TRAP1: variants seen among roughly 807,000 people sequenced by gnomAD.
The protein encoded by TRAP1 is TNF receptor associated protein 1.
TRAP1 carries 102 observed loss-of-function variants against 89.1 expected under a neutral mutation model. That is an observed-to-expected ratio of 1.15 (90% CI 0.98 to 1.35). The LOEUF is 1.35. Ranked by LOEUF, TRAP1 falls within the 40% of genes most tolerant of loss-of-function variation. The probability of loss-of-function intolerance (pLI) is 0.00; values close to 1 mark genes in which losing one functional copy is unlikely to be tolerated. For missense variants in TRAP1, 1,256 were observed against 945.3 expected (o/e 1.33, Z -4.31); for synonymous variants, 508 against 388.0 (o/e 1.31, Z -3.64).
chr16:3,693,674 C>T (rs2051247136), intron 1 of TRAP1, among the ~76,000 whole-genome samples: 1 of 152,154 alleles, frequency 6.6e-6, no homozygotes, highest in African/African-American at 2.4e-5. Context: ...AACACAGCAC[C>T]ACAAACTAGG....
Position 3,717,500 on chromosome 16 carries a change from G to A in TRAP1, c.9C>T (p.Arg3=), listed in dbSNP as rs1437240632. Residue 3 remains arginine, a synonymous_variant, in exon 1 of 18, where the codon CGC becomes CGT. Coordinates refer to ENST00000246957, the MANE Select transcript of TRAP1 (RefSeq NM_016292.3). ...CCCACAGCAGCAGCGCCCGCAGCTC[G>A]CGCGCCATGTCGTACTCCCAGAGCG... MA[R]ELRALLLWGR... The A allele has an allele frequency of 8.2e-6, 11 of 1,349,324 alleles. No individual in the cohort carries two copies. The African/African-American group carries it at 1.1e-4, about 13-fold the overall frequency. 83.6% of individuals were successfully genotyped at this position (1,349,324 alleles called of 1,614,324 possible).
At chr16:3,659,446 C>T (rs1456989719) in intron 16 of TRAP1, 1 of 152,150 alleles carries the variant, frequency 6.6e-6, no homozygotes, top group African/African-American at 2.4e-5. Flanking sequence ...AATGTTTCAT[C>T]ATCTCAGAAG....
intron 1 of TRAP1, among the ~76,000 whole-genome samples, chr16:3,715,402 C>T (rs970698513): frequency 2.0e-5 from 3 of 151,868 alleles, no homozygotes; most frequent in Admixed American, 6.6e-5. Flanking sequence ...CGCGCCACTG[C>T]ACTCCAGCCT....
chr16:3,717,515 C>T lies in TRAP1; in HGVS notation c.-7G>A, dbSNP rs770113232. ...CCCGCAGCTCGCGCGCCATGTCGTA[C>T]TCCCAGAGCGCCGCGCGCAGCCACG... On this transcript the variant is annotated 5_prime_UTR_variant, in exon 1 of 18. Coordinates refer to ENST00000246957, the MANE Select transcript of TRAP1 (RefSeq NM_016292.3). 9 of 1,357,190 alleles carry T rather than the reference C, an allele frequency of 6.6e-6. No homozygotes were observed. The highest frequency in any genetic ancestry group is 3.3e-5 in the East Asian group (1 of 30,248). The allele number at this position is 1,357,190 out of a possible 1,614,324, so 84.1% of individuals were successfully genotyped here.
chr16:3,691,533 C>T (rs1041994508), intron 1 of TRAP1, among the ~76,000 whole-genome samples: 9 of 152,170 alleles, frequency 5.9e-5, no homozygotes, highest in Non-Finnish European at 8.8e-5. Flanking sequence ...CAGATGCCTG[C>T]TGACAGCACT....
Position 3,667,626 on chromosome 16 carries a change from AAAATAAAT to A in TRAP1, c.1236-1516_1236-1509del, listed in dbSNP as rs772073639. ...AGCAACAGAGTAAGACTCCATCTCAAAAATAAATAAATAAATAAATAAATAAAAATAAA... is the reference window on the plus strand; with the variant it reads ...AGCAACAGAGTAAGACTCCATCTCAAAAATAAATAAATAAATAAAAATAAA... On this transcript the variant is annotated intron_variant, in intron 11 of 17. Transcript: ENST00000246957. Among the ~76,000 whole-genome samples the A allele has an allele frequency of 3.6e-3, 552 of 151,514 alleles. 3 individuals are homozygous for A. Among genetic ancestry groups the A allele is most frequent in the African/African-American group, 0.013 (519 of 41,358 alleles).
intron 4 of TRAP1, among the ~76,000 whole-genome samples, chr16:3,683,368 A>C (rs927179367): frequency 6.6e-6 from 1 of 152,028 alleles, no homozygotes; most frequent in African/African-American, 2.4e-5. Flanking sequence ...AACTGTAACC[A>C]ATGTAATATA....
chr16:3,684,025 G>T (rs1298906950), intron 4 of TRAP1, among the ~76,000 whole-genome samples: 1 of 151,960 alleles, frequency 6.6e-6, no homozygotes, highest in Admixed American at 6.6e-5. Flanking sequence ...AATTAGCCGG[G>T]TGTGGTGGCA....
At chr16:3,709,552 C>T (rs943357321) in intron 1 of TRAP1, among the ~76,000 whole-genome samples, 1 of 152,194 alleles carries the variant, frequency 6.6e-6, no homozygotes, top group African/African-American at 2.4e-5. Context: ...AATACCAGAG[C>T]TCTGTGGCGA....
At chr16:3,703,865 AT>A (rs910322285) in intron 1 of TRAP1, among the ~76,000 whole-genome samples, 1 of 151,584 alleles carries the variant, frequency 6.6e-6, no homozygotes, top group Non-Finnish European at 1.5e-5. Context: ...AATACAAAAA[AT>A]TAGCCGGGCG....
chr16:3,716,702 C>T (rs1001766512), intron 1 of TRAP1, among the ~76,000 whole-genome samples: 1 of 152,196 alleles, frequency 6.6e-6, no homozygotes, highest in African/African-American at 2.4e-5. Flanking sequence ...GAAGCAATGC[C>T]GAAACTTTCA....
At chr16:3,675,170 C>A (rs1008044329) in intron 8 of TRAP1, among the ~76,000 whole-genome samples, 154 bp downstream of exon 8, 4 of 152,104 alleles carry the variant, frequency 2.6e-5, no homozygotes, top group Non-Finnish European at 5.9e-5. Flanking sequence ...GAGCTGGGCC[C>A]CTGTCTCATC....
chr16:3,685,258 C>T (rs1292886521), intron 4 of TRAP1, among the ~76,000 whole-genome samples: 4 of 152,216 alleles, frequency 2.6e-5, no homozygotes, highest in Non-Finnish European at 5.9e-5. Context: ...GCACGTACCA[C>T]GGGGCTCAGT....
intron 9 of TRAP1, among the ~76,000 whole-genome samples, chr16:3,673,359 C>T (rs1238321282): frequency 1.3e-5 from 2 of 152,196 alleles, no homozygotes; most frequent in Non-Finnish European, 2.9e-5. Context: ...TTAGTGGCTA[C>T]GAAAGACACC....
chr16:3,715,685 C>T (rs1459213262), intron 1 of TRAP1, among the ~76,000 whole-genome samples: 5 of 152,010 alleles, frequency 3.3e-5, no homozygotes, highest in African/African-American at 7.3e-5. Context: ...CGGTGACACA[C>T]GCCTGCAATC....
At chr16:3,715,788 C>CA (rs1373866971) in intron 1 of TRAP1, among the ~76,000 whole-genome samples, 3 of 151,966 alleles carry the variant, frequency 2.0e-5, no homozygotes, top group Middle Eastern at 3.4e-3. Flanking sequence ...CTCATAAAGA[C>CA]AAAAAAATAA....
At chr16:3,688,857 T>C (rs1054240130) in intron 3 of TRAP1, among the ~76,000 whole-genome samples, 198 bp downstream of exon 3, 2 of 152,134 alleles carry the variant, frequency 1.3e-5, no homozygotes, top group African/African-American at 2.4e-5. Context: ...CAAAGAACCA[T>C]CTGGATACAC....
intron 4 of TRAP1, among the ~76,000 whole-genome samples, chr16:3,684,887 A>C: frequency 6.6e-6 from 1 of 152,240 alleles, no homozygotes. Context: ...ATGGAGCTCT[A>C]AATTACCTGC....
At chr16:3,664,135 G>A in intron 13 of TRAP1, 139 bp downstream of exon 13, 4 of 882,914 alleles carry the variant, frequency 4.5e-6, no homozygotes, top group Non-Finnish European at 6.5e-6. Flanking sequence ...AGTCGGTCCG[G>A]CCTCTGTGCC....
Sources: gnomAD v4.1 joint callset for allele counts (sites outside exome capture counted in the v4.1 genomes callset) on GRCh38, gnomAD v4.1.1 for gene constraint, MANE v1.5 for transcripts, NCBI Gene and HGNC (gene_info 2026-07-23, HGNC 2026-07-21) for gene names.